Variants in DCDC2 observed in about 807,000 individuals in gnomAD.
The protein encoded by DCDC2 is doublecortin domain-containing protein 2.
DCDC2 carries 40 observed loss-of-function variants against 50.2 expected under a neutral mutation model. That is an observed-to-expected ratio of 0.80 (90% confidence interval 0.62 to 1.04). The LOEUF (loss-of-function observed/expected upper bound fraction) is 1.04, where lower values mean the gene tolerates loss of function less well. Ranked by LOEUF, DCDC2 falls within the 50% of genes least tolerant of loss-of-function variation. The probability of loss-of-function intolerance (pLI) is 0.00; values close to 1 mark genes in which losing one functional copy is unlikely to be tolerated. For missense variants in DCDC2, 570 were observed against 581.9 expected, an observed-to-expected ratio of 0.98 and a Z score of 0.21; for synonymous variants, 234 against 210.6, an observed-to-expected ratio of 1.11 and a Z score of -0.96.
intron 7 of DCDC2, among the ~76,000 whole-genome samples, chr6:24,243,623 A>G (rs928964746): frequency 1.3e-5 from 2 of 152,212 alleles, no homozygotes; most frequent in Admixed American, 6.5e-5. Flanking sequence ...ATGGCAGCTT[A>G]TATGGAGCTG....
At chr6:24,190,420 C>A (rs1440487716) in intron 8 of DCDC2, among the ~76,000 whole-genome samples, 3 of 151,988 alleles carry the variant, frequency 2.0e-5, no homozygotes, top group Non-Finnish European at 1.5e-5. Context: ...AGGAGATATA[C>A]CTAATGTAAA....
chr6:24,247,821 T>C (rs975597643), intron 7 of DCDC2, among the ~76,000 whole-genome samples: 10 of 152,222 alleles, frequency 6.6e-5, no homozygotes, highest in Non-Finnish European at 1.5e-4. Context: ...ACGCCTTTAA[T>C]TCCAGCACTT....
intron 8 of DCDC2, among the ~76,000 whole-genome samples, chr6:24,190,702 C>T (rs1468027989): frequency 6.6e-6 from 1 of 152,200 alleles, no homozygotes; most frequent in Non-Finnish European, 1.5e-5. Context: ...AAAAGCCTTA[C>T]TGACAATGCA....
chr6:24,304,418 G>C (rs561296209), intron 2 of DCDC2, among the ~76,000 whole-genome samples: 1 of 152,308 alleles, frequency 6.6e-6, no homozygotes, highest in Non-Finnish European at 1.5e-5. Context: ...GGGAGGCAGA[G>C]GTTGCAATGA....
At chr6:24,263,476 A>T (rs527448677) in intron 7 of DCDC2, among the ~76,000 whole-genome samples, 1 of 152,214 alleles carries the variant, frequency 6.6e-6, no homozygotes, top group Non-Finnish European at 1.5e-5. Context: ...AGCAAGCCCA[A>T]TGAAATTCAA....
chr6:24,209,563 C>T (rs1283167034), intron 7 of DCDC2, among the ~76,000 whole-genome samples: 1 of 152,206 alleles, frequency 6.6e-6, no homozygotes, highest in African/African-American at 2.4e-5. Flanking sequence ...ACACTGCCCA[C>T]CTGTGAACTT....
rs150770243 is a variant in DCDC2, at chr6:24,172,466, C to T, written c.*2264G>A. On this transcript the variant is annotated 3_prime_UTR_variant, in exon 10 of 10. Transcript: ENST00000378454. Reference sequence around the variant, plus strand: ...TCAATGTTGTGCTTCATTAAAATGACGCTTAAGGTGTTTCCTAAAACCTAA... The same window carrying T: ...TCAATGTTGTGCTTCATTAAAATGATGCTTAAGGTGTTTCCTAAAACCTAA... The T allele has an allele frequency of 4.6e-5, 7 of 151,778 alleles. No individual in the cohort carries two copies. Among genetic ancestry groups the T allele is most frequent in the East Asian group, 1.9e-4 (1 of 5,158 alleles). The allele number at this position is 151,778 out of a possible 1,614,324, so 9.4% of individuals were successfully genotyped here.
intron 7 of DCDC2, among the ~76,000 whole-genome samples, chr6:24,275,688 AAAC>A (rs1763336957): frequency 6.6e-6 from 1 of 152,170 alleles, no homozygotes; most frequent in African/African-American, 2.4e-5. Context: ...CTACTGTCTA[AAAC>A]AACTGCAAAA....
chr6:24,178,437 C>G lies in DCDC2; in HGVS notation c.1219G>C (p.Gly407Arg), dbSNP rs756047736. 11 of 1,614,194 alleles carry G rather than the reference C, an allele frequency of 6.8e-6. No individual in the cohort carries two copies. In the Admixed American group the frequency reaches 1.2e-4, roughly 17 times the overall value. The change falls in exon 9 of 10, where the codon GGC (glycine) becomes CGC (arginine). Residue 407 changes from glycine to arginine, a missense_variant. Gly to Arg is a moderately radical substitution (Grantham distance 125). Coordinates refer to ENST00000378454, the MANE Select transcript of DCDC2 (RefSeq NM_016356.5). The part of the protein sequence containing the change: ...QQARPARVNG[G>R]TDEENGEELQ... Reference sequence around the variant, plus strand: ...TCCTCACCATTCTCCTCATCGGTGCCTCCATTTACACGAGCAGGGCGTGCC... The same window carrying G: ...TCCTCACCATTCTCCTCATCGGTGCGTCCATTTACACGAGCAGGGCGTGCC...
intron 7 of DCDC2, among the ~76,000 whole-genome samples, chr6:24,242,262 A>T (rs985004173): frequency 2.0e-5 from 3 of 152,112 alleles, no homozygotes; most frequent in African/African-American, 7.2e-5. Context: ...AGTAAAATCC[A>T]ATCTCCCTAG....
chr6:24,179,055 A>G (rs772675493), intron 8 of DCDC2, among the ~76,000 whole-genome samples: 28 of 151,948 alleles, frequency 1.8e-4, no homozygotes, highest in Non-Finnish European at 3.1e-4. Context: ...AAAAAAAAAA[A>G]GTCTTTGTGG....
chr6:24,351,274 G>T (rs984510150), intron 2 of DCDC2, among the ~76,000 whole-genome samples: 20 of 152,166 alleles, frequency 1.3e-4, no homozygotes, highest in African/African-American at 4.8e-4. Context: ...GGGGAGGAAG[G>T]TATCTCCGGA....
At chr6:24,288,100 A>G (rs1763652744) in intron 6 of DCDC2, among the ~76,000 whole-genome samples, 1 of 152,228 alleles carries the variant, frequency 6.6e-6, no homozygotes, top group South Asian at 2.1e-4. Flanking sequence ...CCTAGAAATC[A>G]TTTACTTTAC....
At chr6:24,199,012 G>C (rs922860817) in intron 8 of DCDC2, among the ~76,000 whole-genome samples, 4 of 152,196 alleles carry the variant, frequency 2.6e-5, no homozygotes, top group African/African-American at 9.7e-5. Flanking sequence ...GCTCCAGTCA[G>C]GGGCTCATAG....
chr6:24,288,031 T>G (rs1763650539), intron 6 of DCDC2, among the ~76,000 whole-genome samples: 1 of 152,226 alleles, frequency 6.6e-6, no homozygotes, highest in Non-Finnish European at 1.5e-5. Context: ...TTTCAAGAAT[T>G]TCACATGATA....
chr6:24,294,541 T>A (rs1554117057), intron 4 of DCDC2, among the ~76,000 whole-genome samples: 3 of 151,260 alleles, frequency 2.0e-5, no homozygotes, highest in African/African-American at 4.9e-5. Context: ...AGTTGGTTTT[T>A]AAAAAAAAAT....
At chr6:24,183,861 G>C (rs1218657356) in intron 8 of DCDC2, among the ~76,000 whole-genome samples, 2 of 152,174 alleles carry the variant, frequency 1.3e-5, no homozygotes, top group Non-Finnish European at 2.9e-5. Flanking sequence ...GGCATGTGTC[G>C]GGAAAGGAGT....
At chr6:24,381,147 A>T in the DCDC2 span, among the ~76,000 whole-genome samples, 1 of 152,138 alleles carries the variant, frequency 6.6e-6, no homozygotes, top group African/African-American at 2.4e-5. Flanking sequence ...GGTATACAAC[A>T]TGATGATATG....
At chr6:24,332,416 G>A (rs2127240626) in intron 2 of DCDC2, among the ~76,000 whole-genome samples, 1 of 152,288 alleles carries the variant, frequency 6.6e-6, no homozygotes, top group Admixed American at 6.5e-5. Context: ...GAAAAGTCAG[G>A]TGAAGAGGAG....
Sources: gnomAD v4.1 joint callset for allele counts (sites outside exome capture counted in the v4.1 genomes callset) on GRCh38, gnomAD v4.1.1 for gene constraint, MANE v1.5 for transcripts, NCBI Gene and HGNC (gene_info 2026-07-23, HGNC 2026-07-21) for gene names.